The following RICTOR variants were observed in gnomAD, a reference collection of about 807,000 sequenced individuals.
RICTOR encodes the protein rapamycin-insensitive companion of mTOR.
RICTOR carries 49 observed loss-of-function variants against 214.9 expected under a neutral mutation model. The ratio of observed to expected loss-of-function variants is 0.23; its 90% CI spans 0.18 to 0.29. The LOEUF (loss-of-function observed/expected upper bound fraction) is 0.29. RICTOR is among the 10% of genes least tolerant of loss of function. The pLI, the probability that RICTOR is intolerant of heterozygous loss-of-function variation, is 1.00. For missense variants in RICTOR, 1,625 were observed against 2,047.0 expected, an observed-to-expected ratio of 0.79 and a Z score of 3.98; for synonymous variants, 717 against 711.3, an observed-to-expected ratio of 1.01 and a Z score of -0.13.
intron 10 of RICTOR, among the ~76,000 whole-genome samples, chr5:38,973,811 C>T (rs1579963697): frequency 6.6e-6 from 1 of 152,092 alleles, no homozygotes; most frequent in African/African-American, 2.4e-5. Flanking sequence ...TGTTGCACCT[C>T]ATTAAAAAAT....
chr5:39,003,108 C>T (rs1407015101), intron 4 of RICTOR, among the ~76,000 whole-genome samples: 1 of 152,084 alleles, frequency 6.6e-6, no homozygotes, highest in Non-Finnish European at 1.5e-5. Flanking sequence ...ATAGCAGGCA[C>T]AGACCTTTTA....
At chr5:38,999,027 C>CAAAAAAAAAAAAAAAAAA (rs1186312478) in intron 5 of RICTOR, among the ~76,000 whole-genome samples, 3 of 25,336 alleles carry the variant, frequency 1.2e-4, no homozygotes, top group African/African-American at 1.5e-4. Context: ...AACAAACAGG[C>CAAAAAAAAAAAAAAAAAA]AAAAAAAAAA....
intron 2 of RICTOR, among the ~76,000 whole-genome samples, chr5:39,045,455 T>C (rs1757424000): frequency 6.6e-6 from 1 of 152,140 alleles, no homozygotes; most frequent in Non-Finnish European, 1.5e-5. Flanking sequence ...TCTGCTACAA[T>C]TTCTATGTCT....
chr5:39,021,449 A>G (rs939693119), intron 2 of RICTOR, among the ~76,000 whole-genome samples: 5 of 152,134 alleles, frequency 3.3e-5, no homozygotes, highest in Non-Finnish European at 7.3e-5. Context: ...ACTAATGCAA[A>G]AGTGCTGAGA....
In RICTOR at chr5:38,991,094, G is replaced by T; in HGVS notation, c.457-19C>A. ...TAATCATCTGTAACAGAAGGAATCA[G>T]AAAAAGAAGTTACTTTAGTAATACA... On this transcript the variant is annotated intron_variant, in intron 6 of 37. Transcript: ENST00000357387. The T allele has an allele frequency of 6.4e-7, 1 of 1,563,376 alleles. No individual in the cohort carries two copies. The highest frequency in any genetic ancestry group is 8.7e-7 in the Non-Finnish European group (1 of 1,150,490).
chr5:38,998,789 C>A (rs982060530), intron 5 of RICTOR, among the ~76,000 whole-genome samples: 1 of 151,812 alleles, frequency 6.6e-6, no homozygotes, highest in African/African-American at 2.4e-5. Flanking sequence ...CAGAGGCAGG[C>A]GGATTGCTGG....
chr5:39,063,717 C>A (rs1199674498), intron 2 of RICTOR, among the ~76,000 whole-genome samples: 1 of 151,962 alleles, frequency 6.6e-6, no homozygotes, highest in Non-Finnish European at 1.5e-5. Flanking sequence ...TCCTCAACCA[C>A]AACAGTATTA....
intron 6 of RICTOR, among the ~76,000 whole-genome samples, chr5:38,994,156 C>G (rs1752990578): frequency 6.6e-6 from 1 of 151,858 alleles, no homozygotes; most frequent in Admixed American, 6.6e-5. Context: ...CACCACTGCA[C>G]TCCAGCCTGG....
chr5:38,945,208 T>C (rs1380873137), intron 34 of RICTOR, 140 bp from the exon 35 acceptor site: 1 of 679,838 alleles, frequency 1.5e-6, no homozygotes, highest in Non-Finnish European at 2.4e-6. Flanking sequence ...CAAAACTTTT[T>C]TCCTCATAGA....
intron 2 of RICTOR, among the ~76,000 whole-genome samples, chr5:39,050,625 C>A (rs959368319): frequency 2.6e-5 from 4 of 151,580 alleles, no homozygotes; most frequent in Admixed American, 6.6e-5. Context: ...AGTGAGCCAC[C>A]ACGCCTGACC....
At chr5:39,049,223 T>G (rs1757688730) in intron 2 of RICTOR, among the ~76,000 whole-genome samples, 1 of 149,890 alleles carries the variant, frequency 6.7e-6, no homozygotes, top group African/African-American at 2.5e-5. Context: ...ACCTAACAAA[T>G]ATAGGGCACA....
intron 2 of RICTOR, among the ~76,000 whole-genome samples, chr5:39,028,026 A>G (rs1755967969): frequency 6.6e-6 from 1 of 152,156 alleles, no homozygotes; most frequent in Admixed American, 6.5e-5. Flanking sequence ...AAGAGGCCAA[A>G]AAGTATGAGA....
At position 39,053,101 on chromosome 5, in the gene RICTOR, GC is replaced by G. The variant is rs543893457; in HGVS notation, c.97+21009del. On this transcript the variant is annotated intron_variant, in intron 2 of 37. Transcript: ENST00000357387. Reference sequence around the variant, plus strand: ...ACATTTTAAATAAGACAAATCACTAGCTAAATTTTTTCATAGTTTTTCTCCA... The same window carrying G: ...ACATTTTAAATAAGACAAATCACTAGTAAATTTTTTCATAGTTTTTCTCCA... Among the ~76,000 whole-genome samples, 8 of 152,194 alleles carry G rather than the reference GC, an allele frequency of 5.3e-5. No homozygotes were observed. In the South Asian group the frequency reaches 1.7e-3, roughly 32 times the overall value.
At chr5:39,022,576 C>CTAGAGCA (rs1018957655) in intron 2 of RICTOR, 8 of 153,010 alleles carry the variant, frequency 5.2e-5, no homozygotes, top group African/African-American at 1.9e-4. Flanking sequence ...CCTGGCTGCC[C>CTAGAGCA]TAGAGCAGCA....
chr5:38,945,242 A>G, intron 34 of RICTOR, 174 bp from the exon 35 acceptor site: 3 of 624,376 alleles, frequency 4.8e-6, no homozygotes, highest in Admixed American at 3.1e-5. Context: ...TACAGCATGC[A>G]AAGGGCCTGG....
At chr5:39,043,269 G>T (rs1318291379) in intron 2 of RICTOR, among the ~76,000 whole-genome samples, 1 of 152,092 alleles carries the variant, frequency 6.6e-6, no homozygotes, top group African/African-American at 2.4e-5. Context: ...AATTTTTTAA[G>T]TGTGGTATAT....
intron 2 of RICTOR, among the ~76,000 whole-genome samples, chr5:39,029,926 G>A (rs1179810400): frequency 6.6e-6 from 1 of 152,172 alleles, no homozygotes; most frequent in Admixed American, 6.5e-5. Flanking sequence ...GCCCAGGCAA[G>A]TGTTTAACAC....
At chr5:39,046,823 T>C (rs1757532667) in intron 2 of RICTOR, among the ~76,000 whole-genome samples, 1 of 152,206 alleles carries the variant, frequency 6.6e-6, no homozygotes, top group Non-Finnish European at 1.5e-5. Context: ...AAAAATGTTT[T>C]AAATGTAAAC....
At chr5:39,074,238 C>T in intron 1 of RICTOR, 80 bp from the exon 2 acceptor site, 1 of 1,578,910 alleles carries the variant, frequency 6.3e-7, no homozygotes, top group Non-Finnish European at 8.6e-7. Flanking sequence ...GCCAGCGCCC[C>T]GGCTCGCTCC....
Sources: gnomAD v4.1 joint callset for allele counts (sites outside exome capture counted in the v4.1 genomes callset) on GRCh38, gnomAD v4.1.1 for gene constraint, MANE v1.5 for transcripts, NCBI Gene and HGNC (gene_info 2026-07-23, HGNC 2026-07-21) for gene names.